SLC6A11: variants seen among roughly 807,000 people sequenced by gnomAD.
SLC6A11 encodes solute carrier family 6 member 11.
SLC6A11 carries 25 observed loss-of-function variants against 74.8 expected under a neutral mutation model. The observed-to-expected ratio is 0.33, with a 90% CI of 0.24 to 0.47. The LOEUF is 0.47. SLC6A11 is among the 20% of genes least tolerant of loss of function. SLC6A11 has a pLI of 1.00. For missense variants in SLC6A11, 574 were observed against 837.0 expected (o/e 0.69, Z 3.88); for synonymous variants, 330 against 330.2 (o/e 1.00, Z 0.01).
At chr3:10,864,358 C>T (rs1402294922) in intron 5 of SLC6A11, among the ~76,000 whole-genome samples, 1 of 151,468 alleles carries the variant, frequency 6.6e-6, no homozygotes, top group Non-Finnish European at 1.5e-5. Flanking sequence ...GGGGCGTTTT[C>T]CTGTCAGTAT....
Position 10,816,577 on chromosome 3 carries a change from G to C in SLC6A11, c.256+56G>C. On this transcript the variant is annotated intron_variant, in intron 1 of 13. Coordinates refer to ENST00000254488, the MANE Select transcript of SLC6A11 (RefSeq NM_014229.3). This position sits in a 1 kb window ranked among gnomAD's most constrained non-coding sequence, Gnocchi z 4.2. Reference sequence around the variant, plus strand: ...GCGCCAACCGCCCGGTGGGGGCGGGGAGCCAGGGGCGAGCGCGAGACCCCC... The same window carrying C: ...GCGCCAACCGCCCGGTGGGGGCGGGCAGCCAGGGGCGAGCGCGAGACCCCC... 6 of 1,481,086 alleles carry C rather than the reference G, an allele frequency of 4.1e-6. No homozygotes were observed. The highest frequency in any genetic ancestry group is 5.4e-6 in the Non-Finnish European group (6 of 1,109,372). 91.7% of individuals were successfully genotyped at this position (1,481,086 alleles called of 1,614,324 possible).
At chr3:10,855,463 C>G (rs1286224108) in intron 5 of SLC6A11, among the ~76,000 whole-genome samples, 1 of 152,200 alleles carries the variant, frequency 6.6e-6, no homozygotes, top group African/African-American at 2.4e-5. Flanking sequence ...CTTCTCCCAC[C>G]CTCATCCTTC....
At chr3:10,828,299 G>C (rs558016214) in intron 4 of SLC6A11, among the ~76,000 whole-genome samples, 1 of 152,302 alleles carries the variant, frequency 6.6e-6, no homozygotes, top group African/African-American at 2.4e-5. Flanking sequence ...AGCACATATT[G>C]TGTGCCGGGC....
intron 6 of SLC6A11, among the ~76,000 whole-genome samples, chr3:10,882,442 G>A (rs1694993074): frequency 1.3e-5 from 2 of 152,038 alleles, no homozygotes; most frequent in African/African-American, 2.4e-5. Flanking sequence ...CATCACCATC[G>A]CAGATGCCAT....
intron 3 of SLC6A11, among the ~76,000 whole-genome samples, chr3:10,820,348 G>T (rs531623406): frequency 6.6e-6 from 1 of 152,312 alleles, no homozygotes; most frequent in Admixed American, 6.5e-5. Flanking sequence ...TAAAAAATTG[G>T]AAGACTTCAC....
intron 5 of SLC6A11, among the ~76,000 whole-genome samples, chr3:10,858,858 G>T (rs1318937599): frequency 6.6e-6 from 1 of 152,234 alleles, no homozygotes; most frequent in Non-Finnish European, 1.5e-5. Flanking sequence ...AAATATCTAA[G>T]ACTTGGTCCT....
chr3:10,924,458 G>C (rs2106632691), intron 8 of SLC6A11, among the ~76,000 whole-genome samples: 1 of 152,202 alleles, frequency 6.6e-6, no homozygotes, highest in Admixed American at 6.5e-5. Context: ...GGACAAAATA[G>C]ATAAAATATA....
At chr3:10,852,005 G>A (rs975023228) in intron 5 of SLC6A11, among the ~76,000 whole-genome samples, 4 of 152,248 alleles carry the variant, frequency 2.6e-5, no homozygotes, top group Non-Finnish European at 5.9e-5. Context: ...ACCCTATAAA[G>A]TGTTTAATGG....
intron 5 of SLC6A11, among the ~76,000 whole-genome samples, chr3:10,857,224 G>A (rs1694648270): frequency 6.6e-6 from 1 of 152,144 alleles, no homozygotes; most frequent in Non-Finnish European, 1.5e-5. Context: ...TGTGATTTCA[G>A]CATCACTTTG....
chr3:10,930,572 A>G (rs1422476076), intron 10 of SLC6A11, among the ~76,000 whole-genome samples: 1 of 152,204 alleles, frequency 6.6e-6, no homozygotes, highest in Non-Finnish European at 1.5e-5. Context: ...CGCTGCAGTA[A>G]GCAGGGCCTC....
Position 10,823,371 on chromosome 3 carries a change from C to A in SLC6A11, c.602C>A (p.Ser201Tyr), listed in dbSNP as rs765927394. The change falls in exon 4 of 14, where the codon TCC becomes TAC. Residue 201 changes from serine (S) to tyrosine (Y), a missense_variant. Ser to Tyr is a moderately radical substitution (Grantham distance 144). Transcript: ENST00000254488. ...CATGTGTCTCTGCAGAATGCCACCT[C>A]CCCTGTCATGGAGTTTTGGGAGTAA... ...YSHVSLQNAT[S>Y]PVMEFWEHRV... 5 of 1,613,178 alleles carry A rather than the reference C, an allele frequency of 3.1e-6. No individual in the cohort carries two copies. The South Asian group carries it at 5.5e-5, about 18-fold the overall frequency.
chr3:10,858,157 T>C (rs1004007025), intron 5 of SLC6A11, among the ~76,000 whole-genome samples: 1 of 152,234 alleles, frequency 6.6e-6, no homozygotes, highest in African/African-American at 2.4e-5. Context: ...CCACGGACAG[T>C]ACAGCCATTA....
intron 5 of SLC6A11, among the ~76,000 whole-genome samples, chr3:10,869,961 C>T (rs139944210): frequency 6.6e-6 from 1 of 152,138 alleles, no homozygotes; most frequent in Non-Finnish European, 1.5e-5. Flanking sequence ...GAGAGGTGAA[C>T]CTAACTCTGA....
At chr3:10,935,930 C>A (rs2124824193) in intron 13 of SLC6A11, among the ~76,000 whole-genome samples, 1 of 152,248 alleles carries the variant, frequency 6.6e-6, no homozygotes, top group African/African-American at 2.4e-5. Flanking sequence ...CCCAGACAAC[C>A]ACAGATCTGC....
intron 6 of SLC6A11, among the ~76,000 whole-genome samples, chr3:10,894,796 G>A (rs1695150663): frequency 6.6e-6 from 1 of 152,112 alleles, no homozygotes; most frequent in South Asian, 2.1e-4. Context: ...ATAATTTTAA[G>A]TGTTCTTGCC....
chr3:10,844,387 A>AGGCAC, intron 5 of SLC6A11, 41 bp downstream of exon 5: 1 of 1,613,244 alleles, frequency 6.2e-7, no homozygotes, highest in Non-Finnish European at 8.5e-7. Context: ...TGGCAGGGGA[A>AGGCAC]GGCACGAGCT....
intron 6 of SLC6A11, among the ~76,000 whole-genome samples, chr3:10,881,672 G>A (rs1264179121): frequency 4.6e-5 from 7 of 152,226 alleles, no homozygotes; most frequent in Non-Finnish European, 8.8e-5. Context: ...CATGTGTGGG[G>A]TTCATGAAGC....
chr3:10,900,645 C>T (rs1438817534), intron 6 of SLC6A11, among the ~76,000 whole-genome samples: 1 of 152,238 alleles, frequency 6.6e-6, no homozygotes, highest in Non-Finnish European at 1.5e-5. Flanking sequence ...CTTGCCATTT[C>T]ATTTCCTGGC....
At chr3:10,877,245 G>T (rs1694920092) in intron 6 of SLC6A11, among the ~76,000 whole-genome samples, 1 of 152,198 alleles carries the variant, frequency 6.6e-6, no homozygotes, top group African/African-American at 2.4e-5. Flanking sequence ...GTCGGGGGGT[G>T]GTCCCAAGAT....
Sources: allele counts gnomAD v4.1 joint callset (sites outside exome capture counted in the v4.1 genomes callset), GRCh38; gene constraint gnomAD v4.1.1; non-coding constraint Gnocchi (gnomAD v3.1); transcripts MANE v1.5; gene names NCBI Gene and HGNC (gene_info 2026-07-23, HGNC 2026-07-21).